FARP1: variants seen among roughly 807,000 people sequenced by gnomAD.
FARP1 encodes FERM, ARH/RhoGEF and pleckstrin domain protein 1.
FARP1 carries 52 observed loss-of-function variants against 128.8 expected under a neutral mutation model. The ratio of observed to expected loss-of-function variants is 0.40; its 90% CI spans 0.32 to 0.51. The LOEUF is 0.51. FARP1 is among the 20% of genes least tolerant of loss of function. The pLI is 0.45. For missense variants in FARP1, 1,333 were observed against 1,367.9 expected (o/e 0.97, Z 0.40); for synonymous variants, 580 against 551.8 (o/e 1.05, Z -0.72).
chr13:98,232,038 C>T lies in FARP1; in HGVS notation c.171+18625C>T, dbSNP rs1370953426. Among the ~76,000 whole-genome samples the T allele has an allele frequency of 2.6e-5, 4 of 151,800 alleles. No individual in the cohort carries two copies. The East Asian group carries it at 5.8e-4, about 22-fold the overall frequency. Reference sequence around the variant, plus strand: ...AAAGATGGGGTTTCGCCATGTTAGCCAGGCTGGTCTTGAACTTCTGACCTC... The same window carrying T: ...AAAGATGGGGTTTCGCCATGTTAGCTAGGCTGGTCTTGAACTTCTGACCTC... On this transcript the variant is annotated intron_variant, in intron 2 of 26. Coordinates refer to ENST00000319562, the MANE Select transcript of FARP1 (RefSeq NM_005766.4).
chr13:98,345,932 A>G (rs1411741391), intron 3 of FARP1, among the ~76,000 whole-genome samples: 1 of 152,198 alleles, frequency 6.6e-6, no homozygotes, highest in Non-Finnish European at 1.5e-5. Flanking sequence ...GATAACTGCC[A>G]GGCACCGTGC....
chr13:98,310,903 C>G (rs1299558230), intron 2 of FARP1, among the ~76,000 whole-genome samples: 1 of 152,132 alleles, frequency 6.6e-6, no homozygotes, highest in East Asian at 1.9e-4. Context: ...AGTCCCCTTC[C>G]CCATTACCTA....
chr13:98,152,066 T>G (rs1876050951), intron 1 of FARP1, among the ~76,000 whole-genome samples: 1 of 152,170 alleles, frequency 6.6e-6, no homozygotes. Flanking sequence ...AATGTCTGAC[T>G]AATAGCAGTT....
Position 98,220,690 on chromosome 13 carries a change from G to A in FARP1, c.171+7277G>A, listed in dbSNP as rs147416723. On this transcript the variant is annotated intron_variant, in intron 2 of 26. Coordinates refer to ENST00000319562, the MANE Select transcript of FARP1 (RefSeq NM_005766.4). The stretch of plus-strand genomic sequence containing the variant: ...TCATAAATCATTTTAGCTAAATACT[G>A]TTAGCTTTCCTTTCTGGCGTCTCAG... Among the ~76,000 whole-genome samples the A allele has an allele frequency of 3.7e-3, 569 of 152,238 alleles. 1 individual carries two copies. The highest frequency in any genetic ancestry group is 0.012 in the African/African-American group (516 of 41,558).
intron 2 of FARP1, among the ~76,000 whole-genome samples, chr13:98,310,646 T>C (rs1385953017): frequency 6.6e-6 from 1 of 152,104 alleles, no homozygotes; most frequent in Non-Finnish European, 1.5e-5. Flanking sequence ...ATGAAACTCG[T>C]GGGCTGTCCA....
At chr13:98,229,262 G>T (rs1260548497) in intron 2 of FARP1, among the ~76,000 whole-genome samples, 1 of 152,188 alleles carries the variant, frequency 6.6e-6, no homozygotes, top group Non-Finnish European at 1.5e-5. Flanking sequence ...AACACATCAA[G>T]AATGGTGTTT....
intron 2 of FARP1, among the ~76,000 whole-genome samples, chr13:98,321,734 C>A (rs1398389142): frequency 1.3e-5 from 2 of 152,168 alleles, no homozygotes; most frequent in Non-Finnish European, 2.9e-5. Context: ...GCTACTTAGT[C>A]ATTAAAAGAA....
Position 98,206,211 on chromosome 13 carries a change from G to A in FARP1, c.-23-7009G>A, listed in dbSNP as rs182223123. Among the ~76,000 whole-genome samples the A allele has an allele frequency of 3.7e-3, 473 of 128,166 alleles. 1 individual carries two copies. The highest frequency in any genetic ancestry group is 0.012 in the African/African-American group (452 of 38,270). 84.1% of individuals were successfully genotyped at this position (128,166 alleles called of 152,430 possible). On this transcript the variant is annotated intron_variant, in intron 1 of 26. Coordinates refer to ENST00000319562, the MANE Select transcript of FARP1 (RefSeq NM_005766.4). ...TGTGTGTGTGTGTGTGTGTGTGTGT[G>A]TGTGTGATCCTTTCAACCTTTGCTA...
chr13:98,421,208 G>A (rs759865582), intron 16 of FARP1, among the ~76,000 whole-genome samples: 3 of 152,206 alleles, frequency 2.0e-5, no homozygotes, highest in South Asian at 2.1e-4. Flanking sequence ...AGAGAGATAC[G>A]GATGTGGGAA....
chr13:98,156,426 A>G (rs1394037626), intron 1 of FARP1, among the ~76,000 whole-genome samples: 1 of 152,174 alleles, frequency 6.6e-6, no homozygotes, highest in Non-Finnish European at 1.5e-5. Flanking sequence ...ATTGATTTTT[A>G]TAGGTAAGAT....
intron 1 of FARP1, among the ~76,000 whole-genome samples, chr13:98,163,558 A>G (rs1272167428): frequency 1.3e-5 from 2 of 149,420 alleles, no homozygotes. Flanking sequence ...TTTTTTTGAG[A>G]TGGGATCTCA....
chr13:98,437,121 T>C (rs926742343), intron 19 of FARP1, among the ~76,000 whole-genome samples: 3 of 152,102 alleles, frequency 2.0e-5, no homozygotes, highest in Non-Finnish European at 4.4e-5. Flanking sequence ...ATCTTCGTTT[T>C]CCCCCACCTA....
intron 2 of FARP1, among the ~76,000 whole-genome samples, chr13:98,270,814 T>C (rs1555332791): frequency 6.6e-6 from 1 of 152,206 alleles, no homozygotes; most frequent in Non-Finnish European, 1.5e-5. Context: ...ATTTTTTTCT[T>C]TTCTCTCTTC....
At chr13:98,181,407 G>A (rs1325609503) in intron 1 of FARP1, among the ~76,000 whole-genome samples, 4 of 152,036 alleles carry the variant, frequency 2.6e-5, no homozygotes, top group African/African-American at 9.7e-5. Context: ...ATTTTTGCCT[G>A]GCTGGCAGCG....
chr13:98,401,811 C>A (rs191816703), intron 13 of FARP1: 1 of 152,106 alleles, frequency 6.6e-6, no homozygotes, highest in Admixed American at 6.5e-5. Context: ...ATCTTCTTTT[C>A]CTGAAAGCTT....
chr13:98,204,776 A>G (rs1880164086), intron 1 of FARP1, among the ~76,000 whole-genome samples: 1 of 152,146 alleles, frequency 6.6e-6, no homozygotes, highest in South Asian at 2.1e-4. Context: ...CCTGGGCAAC[A>G]TAGCAAGACT....
At chr13:98,182,028 A>G (rs1313858690) in intron 1 of FARP1, among the ~76,000 whole-genome samples, 3 of 152,196 alleles carry the variant, frequency 2.0e-5, no homozygotes, top group African/African-American at 7.2e-5. Flanking sequence ...AAGAGATTAG[A>G]ATAATTTCTT....
intron 2 of FARP1, among the ~76,000 whole-genome samples, chr13:98,236,451 A>G (rs1240598728): frequency 6.6e-6 from 1 of 152,212 alleles, no homozygotes; most frequent in Non-Finnish European, 1.5e-5. Context: ...CATTTCTAAA[A>G]TAATACAGTT....
rs556062711 is a variant in FARP1, at chr13:98,449,357, T to C, written c.*1040T>C. 2 of 152,164 alleles carry C rather than the reference T, an allele frequency of 1.3e-5. No homozygotes were observed. The highest frequency in any genetic ancestry group is 2.9e-5 in the Non-Finnish European group (2 of 68,044). The allele number at this position is 152,164 out of a possible 1,614,324, so 9.4% of individuals were successfully genotyped here. On this transcript the variant is annotated 3_prime_UTR_variant, in exon 27 of 27. Coordinates refer to ENST00000319562, the MANE Select transcript of FARP1 (RefSeq NM_005766.4). The stretch of plus-strand genomic sequence containing the variant: ...TTTTTATACTCATTCCCCCCAGGCA[T>C]GGGGTAGTGTCAGTCGGACTGCACA...
Sources: gnomAD v4.1 joint callset for allele counts (sites outside exome capture counted in the v4.1 genomes callset) on GRCh38, gnomAD v4.1.1 for gene constraint, MANE v1.5 for transcripts, NCBI Gene and HGNC (gene_info 2026-07-23, HGNC 2026-07-21) for gene names.